GRM8: variants seen among roughly 807,000 people sequenced by gnomAD.
GRM8 encodes metabotropic glutamate receptor 8.
GRM8 carries 47 observed loss-of-function variants against 87.2 expected under a neutral mutation model. That is an observed-to-expected ratio of 0.54 (90% CI 0.43 to 0.69). The LOEUF is 0.69. Ranked by LOEUF, GRM8 falls within the 30% of genes least tolerant of loss-of-function variation. The probability of loss-of-function intolerance (pLI) is 0.00; values close to 1 mark genes in which losing one functional copy is unlikely to be tolerated. For missense variants in GRM8, 1,019 were observed against 1,139.2 expected (o/e 0.89, Z 1.52); for synonymous variants, 396 against 404.5 (o/e 0.98, Z 0.25).
At chr7:126,565,613 T>A (rs1257839335) in intron 8 of GRM8, among the ~76,000 whole-genome samples, 1 of 152,090 alleles carries the variant, frequency 6.6e-6, no homozygotes, top group Non-Finnish European at 1.5e-5. Flanking sequence ...AATGCCAGAC[T>A]ACTCAAAGTG....
At chr7:126,575,692 T>C (rs1046649111) in intron 8 of GRM8, among the ~76,000 whole-genome samples, 1 of 152,202 alleles carries the variant, frequency 6.6e-6, no homozygotes, top group Non-Finnish European at 1.5e-5. Context: ...AACATTATCC[T>C]TGTTTACATA....
At chr7:126,616,769 A>T (rs1183013695) in intron 7 of GRM8, among the ~76,000 whole-genome samples, 2 of 152,198 alleles carry the variant, frequency 1.3e-5, no homozygotes, top group Non-Finnish European at 2.9e-5. Flanking sequence ...TAAACTAGAA[A>T]ATCTAGAAGA....
At chr7:127,096,591 T>C (rs1824679273) in intron 3 of GRM8, among the ~76,000 whole-genome samples, 1 of 151,908 alleles carries the variant, frequency 6.6e-6, no homozygotes, top group South Asian at 2.1e-4. Context: ...TGACCATTGT[T>C]GAACACTAGC....
intron 6 of GRM8, among the ~76,000 whole-genome samples, chr7:126,797,665 C>A (rs1056422396): frequency 6.6e-6 from 1 of 152,016 alleles, no homozygotes; most frequent in African/African-American, 2.4e-5. Context: ...TGGATTTATT[C>A]ATGATTTTTG....
intron 2 of GRM8, among the ~76,000 whole-genome samples, chr7:127,187,326 CT>C (rs749053638): frequency 6.6e-5 from 10 of 152,064 alleles, no homozygotes; most frequent in Admixed American, 1.3e-4. Context: ...TATGTATATG[CT>C]TTTTATCCCC....
chr7:126,693,643 A>G (rs1230196851), intron 7 of GRM8, among the ~76,000 whole-genome samples: 1 of 152,162 alleles, frequency 6.6e-6, no homozygotes, highest in African/African-American at 2.4e-5. Context: ...GTTTTACATT[A>G]CTTCTTAGGG....
At chr7:127,097,181 G>A (rs1010827992) in intron 3 of GRM8, among the ~76,000 whole-genome samples, 6 of 152,146 alleles carry the variant, frequency 3.9e-5, no homozygotes, top group East Asian at 3.9e-4. Flanking sequence ...AGAGTTAAGC[G>A]CAGGGACCCT....
chr7:126,543,001 T>C (rs1368228588), intron 8 of GRM8, among the ~76,000 whole-genome samples: 4 of 152,168 alleles, frequency 2.6e-5, no homozygotes, highest in Admixed American at 2.6e-4. Context: ...GATCTAGTTT[T>C]CTGATTTGAC....
intron 9 of GRM8, among the ~76,000 whole-genome samples, chr7:126,524,858 T>C (rs1813590882): frequency 6.6e-6 from 1 of 152,198 alleles, no homozygotes. Context: ...CATAGCCACT[T>C]GCATGTGTGT....
intron 7 of GRM8, among the ~76,000 whole-genome samples, chr7:126,739,088 G>A (rs1174169885): frequency 1.3e-5 from 2 of 152,030 alleles, no homozygotes; most frequent in Non-Finnish European, 2.9e-5. Context: ...CAGTGTGGCT[G>A]TAGTGTAGGG....
intron 3 of GRM8, among the ~76,000 whole-genome samples, chr7:126,958,487 C>T (rs567363332): frequency 6.6e-6 from 1 of 152,322 alleles, no homozygotes; most frequent in Admixed American, 6.5e-5. Flanking sequence ...AGAGCTGGCG[C>T]CTGGAGCTGC....
intron 6 of GRM8, among the ~76,000 whole-genome samples, chr7:126,824,739 G>A (rs1794605849): frequency 6.6e-6 from 1 of 152,196 alleles, no homozygotes; most frequent in Non-Finnish European, 1.5e-5. Flanking sequence ...GCAAAAATAG[G>A]AATATAAGAT....
At chr7:126,985,480 G>A (rs993262536) in intron 3 of GRM8, among the ~76,000 whole-genome samples, 3 of 152,172 alleles carry the variant, frequency 2.0e-5, no homozygotes, top group Non-Finnish European at 4.4e-5. Flanking sequence ...GAGTTTATTA[G>A]TAACTATCTG....
At chr7:126,915,654 G>T (rs1270794725) in intron 3 of GRM8, among the ~76,000 whole-genome samples, 1 of 152,106 alleles carries the variant, frequency 6.6e-6, no homozygotes. Context: ...TACAGGAACT[G>T]GGAAAGAGTC....
At chr7:126,585,781 T>G (rs1002068418) in intron 8 of GRM8, among the ~76,000 whole-genome samples, 1 of 152,198 alleles carries the variant, frequency 6.6e-6, no homozygotes, top group Non-Finnish European at 1.5e-5. Context: ...AAGACAGGGA[T>G]GCCCTCTCTC....
intron 8 of GRM8, among the ~76,000 whole-genome samples, chr7:126,599,765 G>C (rs1048693435): frequency 1.3e-5 from 2 of 152,076 alleles, no homozygotes; most frequent in Admixed American, 1.3e-4. Flanking sequence ...AGTTAAAAAA[G>C]AATAAAGGAA....
At chr7:127,156,726 A>G (rs551653871) in intron 2 of GRM8, among the ~76,000 whole-genome samples, 1 of 152,210 alleles carries the variant, frequency 6.6e-6, no homozygotes, top group Non-Finnish European at 1.5e-5. Context: ...CCAATAAATC[A>G]GAACTAATGA....
intron 3 of GRM8, among the ~76,000 whole-genome samples, chr7:126,976,087 T>C (rs1188391466): frequency 6.6e-6 from 1 of 152,218 alleles, no homozygotes; most frequent in Non-Finnish European, 1.5e-5. Flanking sequence ...TGGATATGGA[T>C]GACTTTCTCA....
intron 7 of GRM8, among the ~76,000 whole-genome samples, chr7:126,765,196 G>C: frequency 6.6e-6 from 1 of 152,038 alleles, no homozygotes; most frequent in East Asian, 1.9e-4. Flanking sequence ...CTGCTATCCT[G>C]TGAACCTAGA....
Sources: gnomAD v4.1 joint callset for allele counts (sites outside exome capture counted in the v4.1 genomes callset) on GRCh38, gnomAD v4.1.1 for gene constraint, MANE v1.5 for transcripts, NCBI Gene and HGNC (gene_info 2026-07-23, HGNC 2026-07-21) for gene names.